NSF: variants seen among roughly 807,000 people sequenced by gnomAD.
The protein encoded by NSF is N-ethylmaleimide sensitive factor, vesicle fusing ATPase, also known as vesicle-fusing ATPase.
Under a neutral mutation model 50.3 loss-of-function variants are expected in NSF, and 14 were observed. The observed-to-expected ratio is 0.28, with a 90% confidence interval of 0.18 to 0.44. NSF has a LOEUF of 0.44. Among genes scored for constraint, NSF ranks in the 20% least tolerant of loss-of-function variants. The pLI, the probability that NSF is intolerant of heterozygous loss-of-function variation, is 1.00. For synonymous variants in NSF, 109 were observed against 175.7 expected, an observed-to-expected ratio of 0.62 and a Z score of 3.00; for missense variants, 218 against 504.3, an observed-to-expected ratio of 0.43 and a Z score of 5.44.
At chr17:46,621,076 C>T (rs1472775511) in intron 1 of NSF, among the ~76,000 whole-genome samples, 9 of 95,218 alleles carry the variant, frequency 9.5e-5, no homozygotes, top group Admixed American at 7.0e-4. Context: ...CAATTCTGGG[C>T]GACAGAGCAA....
At chr17:46,681,681 G>T (rs2058459550) in intron 9 of NSF, among the ~76,000 whole-genome samples, 1 of 94,070 alleles carries the variant, frequency 1.1e-5, no homozygotes, top group African/African-American at 4.5e-5. Context: ...CTTTAAGTCT[G>T]CTTGTTGGGT....
intron 9 of NSF, among the ~76,000 whole-genome samples, chr17:46,689,805 TA>T (rs1175879232): frequency 6.7e-6 from 1 of 149,906 alleles, no homozygotes; most frequent in East Asian, 2.0e-4. Flanking sequence ...CCTTTTAACC[TA>T]ACAATTTGCC....
intron 15 of NSF, among the ~76,000 whole-genome samples, chr17:46,717,364 C>G (rs2058782957): frequency 6.6e-6 from 1 of 151,954 alleles, no homozygotes; most frequent in Non-Finnish European, 1.5e-5. Flanking sequence ...ACAAAAATAC[C>G]ATTAAATAGA....
intron 7 of NSF, among the ~76,000 whole-genome samples, chr17:46,642,093 GAA>G (rs1009508381): frequency 1.0e-5 from 1 of 97,256 alleles, no homozygotes; most frequent in South Asian, 3.0e-4. Context: ...TAGAGTGTAA[GAA>G]AAAAATATTT....
intron 17 of NSF, among the ~76,000 whole-genome samples, chr17:46,736,616 G>GA (rs1312242787): frequency 6.6e-6 from 1 of 151,866 alleles, no homozygotes; most frequent in Non-Finnish European, 1.5e-5. Context: ...TGATAATCAG[G>GA]AAAAAATAAA....
intron 17 of NSF, among the ~76,000 whole-genome samples, chr17:46,731,736 G>A (rs1360184118): frequency 6.6e-6 from 1 of 152,232 alleles, no homozygotes; most frequent in South Asian, 2.1e-4. Context: ...GAAATGGCAG[G>A]GGTTCTCTCT....
intron 15 of NSF, among the ~76,000 whole-genome samples, chr17:46,718,983 C>G (rs2058801872): frequency 6.6e-6 from 1 of 152,040 alleles, no homozygotes; most frequent in African/African-American, 2.4e-5. Context: ...AAAAAATGCT[C>G]TTGGTTTTAT....
intron 9 of NSF, among the ~76,000 whole-genome samples, chr17:46,684,694 G>A (rs2058480129): frequency 6.7e-6 from 1 of 149,640 alleles, no homozygotes; most frequent in South Asian, 2.2e-4. Context: ...AAACTGGCTA[G>A]CCATATGCAG....
At chr17:46,724,044 CTTTAT>C (rs1049549659) in intron 15 of NSF, among the ~76,000 whole-genome samples, 1 of 152,208 alleles carries the variant, frequency 6.6e-6, no homozygotes, top group African/African-American at 2.4e-5. Flanking sequence ...ACCAACACCA[CTTTAT>C]TTTAATTCTT....
chr17:46,671,725 C>T (rs1486495647), intron 8 of NSF, among the ~76,000 whole-genome samples: 1 of 81,500 alleles, frequency 1.2e-5, no homozygotes, highest in Non-Finnish European at 2.7e-5. Flanking sequence ...TTTTAAACTT[C>T]ATGGTAATAA....
chr17:46,740,191 C>G (rs2059055702), intron 17 of NSF, among the ~76,000 whole-genome samples: 1 of 152,084 alleles, frequency 6.6e-6, no homozygotes, highest in Non-Finnish European at 1.5e-5. Flanking sequence ...AATTGTTTAG[C>G]AGATTGGCCT....
intron 19 of NSF, among the ~76,000 whole-genome samples, chr17:46,752,070 G>C (rs921485347): frequency 3.3e-5 from 5 of 152,158 alleles, no homozygotes; most frequent in African/African-American, 1.2e-4. Flanking sequence ...TGCTTTAAGG[G>C]ACAAGTTAAT....
intron 13 of NSF, 29 bp from the exon 14 acceptor site, chr17:46,710,934 A>G (rs577115168): frequency 6.4e-7 from 1 of 1,560,554 alleles, no homozygotes; most frequent in South Asian, 1.2e-5. Flanking sequence ...CTAAGGCTCA[A>G]AATGCTTTAG....
chr17:46,720,037 T>C (rs1003189619), intron 15 of NSF, among the ~76,000 whole-genome samples: 1 of 152,244 alleles, frequency 6.6e-6, no homozygotes, highest in African/African-American at 2.4e-5. Context: ...AATTGTAGTC[T>C]GCACAGAACA....
rs373066914 is a variant in NSF at position 46,712,588 on chromosome 17, C to T, written c.1628-1265C>T. 1.2e-4 allele frequency among the ~76,000 whole-genome samples: 18 copies of T among 152,148 alleles called. No individual in the cohort carries two copies. The East Asian group carries it at 1.3e-3, about 11-fold the overall frequency. ...CAAGGGTCATATAGGAGAAGTAAAT[C>T]GGAAATGTTGAGCAGCCTGTTGGAT... On this transcript the variant is annotated intron_variant, in intron 14 of 20. Coordinates refer to ENST00000398238, the MANE Select transcript of NSF (RefSeq NM_006178.4).
chr17:46,732,847 G>A (rs576158591), intron 17 of NSF, among the ~76,000 whole-genome samples: 55 of 152,218 alleles, frequency 3.6e-4, no homozygotes, highest in Non-Finnish European at 6.2e-4. Context: ...GAGCCAAGCC[G>A]GAAAAAAGGG....
At chr17:46,638,364 T>A (rs994725379) in intron 5 of NSF, among the ~76,000 whole-genome samples, 1 of 19,736 alleles carries the variant, frequency 5.1e-5, no homozygotes, top group Non-Finnish European at 8.6e-5. Flanking sequence ...TTTTATTTTT[T>A]AAAATTTTAT....
At chr17:46,695,131 G>T (rs1054550216) in intron 12 of NSF, among the ~76,000 whole-genome samples, 1 of 72,150 alleles carries the variant, frequency 1.4e-5, no homozygotes, top group African/African-American at 7.2e-5. Context: ...CTGTAGTCCC[G>T]GCTACTCGGG....
At chr17:46,724,009 T>G (rs2058860637) in intron 15 of NSF, among the ~76,000 whole-genome samples, 1 of 152,208 alleles carries the variant, frequency 6.6e-6, no homozygotes, top group South Asian at 2.1e-4. Context: ...CTAATTCATC[T>G]CACCTACCAC....
Sources: gnomAD v4.1 joint callset for allele counts (sites outside exome capture counted in the v4.1 genomes callset) on GRCh38, gnomAD v4.1.1 for gene constraint, MANE v1.5 for transcripts, NCBI Gene and HGNC (gene_info 2026-07-23, HGNC 2026-07-21) for gene names.